The following PPA1 variants were observed in gnomAD, a reference collection of about 807,000 sequenced individuals.
PPA1 encodes the protein inorganic pyrophosphatase.
Under a neutral mutation model 41.8 loss-of-function variants are expected in PPA1, and 23 were observed. The ratio of observed to expected loss-of-function variants is 0.55; its 90% CI spans 0.40 to 0.78. The LOEUF (loss-of-function observed/expected upper bound fraction) is 0.78, where lower values mean the gene tolerates loss of function less well. PPA1 is among the 30% of genes least tolerant of loss of function. The pLI, the probability that PPA1 is intolerant of heterozygous loss-of-function variation, is 0.00. For missense variants in PPA1, 320 were observed against 361.6 expected, an observed-to-expected ratio of 0.89 and a Z score of 0.93; for synonymous variants, 101 against 116.8, an observed-to-expected ratio of 0.86 and a Z score of 0.87.
Position 70,209,294 on chromosome 10 carries a change from T to A in PPA1, c.640-4A>T, listed in dbSNP as rs1461949014. Reference sequence around the variant, plus strand: ...TAATAATATCAATGGCAAAGTCCTATAATTTGAAGAGGTTTGCATTACAAT... The same window carrying A: ...TAATAATATCAATGGCAAAGTCCTAAAATTTGAAGAGGTTTGCATTACAAT... On this transcript the variant is annotated splice_region_variant and splice_polypyrimidine_tract_variant and intron_variant, in intron 7 of 10. Transcript: ENST00000373232. The A allele has an allele frequency of 3.8e-6, 6 of 1,568,878 alleles. No homozygotes were observed. The highest frequency in any genetic ancestry group is 5.3e-6 in the Non-Finnish European group (6 of 1,142,394).
intron 1 of PPA1, among the ~76,000 whole-genome samples, chr10:70,231,949 C>G (rs1232420325): frequency 6.6e-6 from 1 of 152,210 alleles, no homozygotes; most frequent in Non-Finnish European, 1.5e-5. Context: ...AGACAGTCAC[C>G]TCTGTAAGCC....
Position 70,220,908 on chromosome 10 carries a change from TATA to T in PPA1, c.124-2094_124-2092del, listed in dbSNP as rs1243853333. 7.0e-4 allele frequency among the ~76,000 whole-genome samples: 10 copies of T among 14,232 alleles called. 1 individual carries two copies. The highest frequency in any genetic ancestry group is 7.5e-4 in the Non-Finnish European group (8 of 10,710). The allele number at this position is 14,232 out of a possible 152,430, so 9.3% of individuals were successfully genotyped here. ...ATATATACTATATATATAATTTATA[TATA>T]ATATATATAATTTTTATATATACTA... On this transcript the variant is annotated intron_variant, in intron 2 of 10. Transcript: ENST00000373232.
In PPA1 at chr10:70,206,250, A is replaced by T; in HGVS notation, c.795+14T>A. 6.3e-7 allele frequency: 1 copy of T among 1,596,194 alleles called. No individual in the cohort carries two copies. The highest frequency in any genetic ancestry group is 1.1e-5 in the South Asian group (1 of 89,144). ...AACCAGGCTTGTTTTTTTTTTAAGG[A>T]AACTTTTACATACAGCATCCACAAT... On this transcript the variant is annotated intron_variant, in intron 9 of 10. Coordinates refer to ENST00000373232, the MANE Select transcript of PPA1 (RefSeq NM_021129.4).
chr10:70,203,465 G>GC, intron 10 of PPA1: 1 of 310,778 alleles, frequency 3.2e-6, no homozygotes, highest in African/African-American at 2.2e-5. Context: ...TGCAGTGGCA[G>GC]CAATCATGGC....
chr10:70,229,949 A>AC (rs1840270395), intron 2 of PPA1, among the ~76,000 whole-genome samples: 1 of 152,130 alleles, frequency 6.6e-6, no homozygotes, highest in South Asian at 2.1e-4. Flanking sequence ...TCACTCTGTC[A>AC]CCCAGCTGGA....
At position 70,221,076 on chromosome 10, in the gene PPA1, A is replaced by ATATATATT. The variant is rs1224550178; in HGVS notation, c.124-2260_124-2259insAATATATA. Among the ~76,000 whole-genome samples the ATATATATT allele has an allele frequency of 1.2e-4, 5 of 40,050 alleles. 1 individual carries two copies. The highest frequency in any genetic ancestry group is 1.0e-3 in the African/African-American group (5 of 4,962). 26.3% of individuals were successfully genotyped at this position (40,050 alleles called of 152,430 possible). A position where few individuals can be genotyped will look rare whatever the true frequency, so the allele number is the denominator to read the frequency against. On this transcript the variant is annotated intron_variant, in intron 2 of 10. Transcript: ENST00000373232. ...ATATAATTTATATATATATATATAT[A>ATATATATT]TTTTTTTTTTTTTTTTTTTGTAGAG...
intron 1 of PPA1, 71 bp downstream of exon 1, chr10:70,233,193 T>A: frequency 6.7e-7 from 1 of 1,490,514 alleles, no homozygotes; most frequent in Non-Finnish European, 9.0e-7. Flanking sequence ...GGCCGCACCC[T>A]CCCGGGGAGG....
chr10:70,225,066 C>T (rs1464518706), intron 2 of PPA1, among the ~76,000 whole-genome samples: 1 of 152,086 alleles, frequency 6.6e-6, no homozygotes, highest in African/African-American at 2.4e-5. Flanking sequence ...TTGGTAAATT[C>T]GATGAACTAT....
intron 10 of PPA1, among the ~76,000 whole-genome samples, chr10:70,203,414 T>TA (rs1839902946): frequency 6.6e-6 from 1 of 152,124 alleles, no homozygotes; most frequent in Admixed American, 6.6e-5. Flanking sequence ...CTTTTTTTTT[T>TA]AATTTCGAGA....
At chr10:70,211,238 C>G (rs573498437) in intron 6 of PPA1, among the ~76,000 whole-genome samples, 30 of 152,256 alleles carry the variant, frequency 2.0e-4, no homozygotes, top group South Asian at 8.3e-4. Flanking sequence ...ATTTGGAAAT[C>G]CAGAAATCCA....
At chr10:70,230,259 T>C (rs763886235) in intron 2 of PPA1, 82 bp downstream of exon 2, 71 of 1,492,732 alleles carry the variant, frequency 4.8e-5, no homozygotes, top group Non-Finnish European at 4.9e-5. Context: ...TAAGCACTTG[T>C]TGAGAGACAT....
intron 8 of PPA1, among the ~76,000 whole-genome samples, chr10:70,208,879 A>G (rs1175867686): frequency 6.7e-6 from 1 of 150,010 alleles, no homozygotes; most frequent in Non-Finnish European, 1.5e-5. Flanking sequence ...TGCAGCTTCA[A>G]CCTCCCCAGG....
intron 6 of PPA1, among the ~76,000 whole-genome samples, chr10:70,210,767 A>ATTT (rs199787186): frequency 1.3e-5 from 1 of 79,650 alleles, no homozygotes; most frequent in Non-Finnish European, 3.1e-5. Context: ...CTTCACTCCA[A>ATTT]TTTATTTTTT....
chr10:70,223,048 C>A (rs1840192688), intron 2 of PPA1, among the ~76,000 whole-genome samples: 1 of 152,084 alleles, frequency 6.6e-6, no homozygotes, highest in African/African-American at 2.4e-5. Flanking sequence ...AGCACACTTT[C>A]AAATGCATGT....
chr10:70,224,080 A>G (rs535658158), intron 2 of PPA1, among the ~76,000 whole-genome samples: 1 of 152,222 alleles, frequency 6.6e-6, no homozygotes, highest in East Asian at 1.9e-4. Flanking sequence ...AAGGCAAACT[A>G]TAACTTTAGC....
chr10:70,205,954 C>T (rs1026235593), intron 9 of PPA1: 29 of 246,074 alleles, frequency 1.2e-4, no homozygotes, highest in Non-Finnish European at 2.2e-4. Flanking sequence ...GATTCTTTTG[C>T]GGAAATGGCT....
chr10:70,207,221 C>T (rs1839955745), intron 8 of PPA1, among the ~76,000 whole-genome samples: 1 of 151,962 alleles, frequency 6.6e-6, no homozygotes. Flanking sequence ...TACTATTTCA[C>T]TATTAATAGT....
chr10:70,225,649 CTT>C (rs5785966), intron 2 of PPA1, among the ~76,000 whole-genome samples: 61 of 144,452 alleles, frequency 4.2e-4, no homozygotes, highest in Admixed American at 1.2e-3. Flanking sequence ...CAAGCTTTAA[CTT>C]TTTTTTTTTT....
At chr10:70,222,335 C>CAAAAAAAA (rs67974203) in intron 2 of PPA1, among the ~76,000 whole-genome samples, 3 of 73,164 alleles carry the variant, frequency 4.1e-5, no homozygotes, top group African/African-American at 6.0e-5. Context: ...GACTCCGTCT[C>CAAAAAAAA]AAAAAAAAAA....
Sources: allele counts gnomAD v4.1 joint callset (sites outside exome capture counted in the v4.1 genomes callset), GRCh38; gene constraint gnomAD v4.1.1; transcripts MANE v1.5; gene names NCBI Gene and HGNC (gene_info 2026-07-23, HGNC 2026-07-21).